Variants in UGGT1 observed in about 807,000 individuals in gnomAD.
UGGT1 encodes the protein UDP-glucose:glycoprotein glucosyltransferase 1.
Under a neutral mutation model 203.9 loss-of-function variants are expected in UGGT1, and 107 were observed. That is an observed-to-expected ratio of 0.52 (90% confidence interval 0.45 to 0.62). The LOEUF (loss-of-function observed/expected upper bound fraction) is 0.62, where lower values mean the gene tolerates loss of function less well. Ranked by LOEUF, UGGT1 falls within the 20% of genes least tolerant of loss-of-function variation. UGGT1 has a pLI of 0.00. For missense variants in UGGT1, 1,673 were observed against 1,867.2 expected, an observed-to-expected ratio of 0.90 and a Z score of 1.92; for synonymous variants, 628 against 653.5, an observed-to-expected ratio of 0.96 and a Z score of 0.59.
chr2:128,176,962 T>A, intron 32 of UGGT1, 64 bp downstream of exon 32: 1 of 1,489,884 alleles, frequency 6.7e-7, no homozygotes, highest in Non-Finnish European at 9.3e-7. Context: ...ATATGTATCT[T>A]GGAACCAGCC....
At chr2:128,171,081 G>A (rs190759088) in intron 27 of UGGT1, 124 bp from the exon 28 acceptor site, 13 of 847,704 alleles carry the variant, frequency 1.5e-5, no homozygotes, top group South Asian at 3.7e-5. Context: ...CAGAAGTTTC[G>A]CCAGTGCAGA....
chr2:128,165,948 G>C (rs982342817), intron 26 of UGGT1, among the ~76,000 whole-genome samples: 4 of 152,054 alleles, frequency 2.6e-5, no homozygotes, highest in Non-Finnish European at 4.4e-5. Flanking sequence ...TTTTTATAGA[G>C]ATGGGGTCTC....
chr2:128,164,309 A>G (rs903882675), intron 25 of UGGT1, among the ~76,000 whole-genome samples: 16 of 152,238 alleles, frequency 1.1e-4, no homozygotes, highest in African/African-American at 3.9e-4. Context: ...ATGAGCCAAA[A>G]TATCAGACCT....
At chr2:128,160,339 T>C in intron 23 of UGGT1, 121 bp from the exon 24 acceptor site, 1 of 1,045,814 alleles carries the variant, frequency 9.6e-7, no homozygotes, top group South Asian at 1.9e-5. Context: ...TAATGTTAAT[T>C]ATGAAAATTA....
chr2:128,099,367 C>CTCCTGA (rs1404025874), intron 2 of UGGT1, among the ~76,000 whole-genome samples: 2 of 152,266 alleles, frequency 1.3e-5, no homozygotes, highest in Admixed American at 6.5e-5. Flanking sequence ...TGGTCTGGAA[C>CTCCTGA]TCCTGAGCTC....
At chr2:128,170,536 A>G in intron 27 of UGGT1, 146 bp downstream of exon 27, 1 of 650,742 alleles carries the variant, frequency 1.5e-6, no homozygotes, top group Non-Finnish European at 2.6e-6. Flanking sequence ...CAATCTTTAC[A>G]AAGATTGACA....
In UGGT1 at chr2:128,173,853, A is replaced by G. The variant is rs1691237747; in HGVS notation, c.3367A>G (p.Thr1123Ala). Residue 1123 changes from threonine (T) to alanine (A), a missense_variant, in exon 30 of 41, where the codon ACA becomes GCA. Transcript: ENST00000259253. Reference protein sequence around the residue: ...LLEGHCYDITTGQPPRGLQFT... With the variant: ...LLEGHCYDITAGQPPRGLQFT... Reference sequence around the variant, plus strand: ...GGAAGGTCATTGCTACGACATCACCACAGGCCAGCCTCCACGGGGACTACA... The same window carrying G: ...GGAAGGTCATTGCTACGACATCACCGCAGGCCAGCCTCCACGGGGACTACA... 6.2e-7 allele frequency: 1 copy of G among 1,614,200 alleles called. No individual in the cohort carries two copies. The highest frequency in any genetic ancestry group is 1.1e-5 in the South Asian group (1 of 91,088).
Position 128,189,824 on chromosome 2 carries a change from A to G in UGGT1, c.*82A>G. 6.6e-7 allele frequency: 1 copy of G among 1,509,444 alleles called. No individual in the cohort carries two copies. Among genetic ancestry groups the G allele is most frequent in the Non-Finnish European group, 9.1e-7 (1 of 1,099,188 alleles). 93.5% of individuals were successfully genotyped at this position (1,509,444 alleles called of 1,614,324 possible). A position where few individuals can be genotyped will look rare whatever the true frequency, so the allele number is the denominator to read the frequency against. ...CTAGTTTTTTCTGATCTGTCTATAC[A>G]ACTGCTGATAAGCCGGCTGGGCAGG... is the stretch of plus-strand genomic sequence containing the variant. On this transcript the variant is annotated 3_prime_UTR_variant, in exon 41 of 41. Transcript: ENST00000259253.
Position 128,152,790 on chromosome 2 carries a change from C to G in UGGT1, c.2023C>G (p.Leu675Val), listed in dbSNP as rs779744417. 3 of 1,605,022 alleles carry G rather than the reference C, an allele frequency of 1.9e-6. No homozygotes were observed. Among genetic ancestry groups the G allele is most frequent in the Non-Finnish European group, 2.5e-6 (3 of 1,176,880 alleles). ...FFQRAVYLGE[L>V]PHDQDVVEYI... The stretch of plus-strand genomic sequence containing the variant: ...TCCTTTTTTTTTCTTGCAGGGTGAA[C>G]TGCCCCATGATCAAGATGTGGTAGA... Residue 675 changes from leucine to valine, a missense_variant, in exon 19 of 41, where the codon CTG (leucine) becomes GTG (valine). Physicochemically the swap from Leu to Val is conservative, Grantham distance 32. This residue lies in a region of UGGT1 where 1,073 missense variants were observed against 1,078.7 expected (regional missense o/e 0.99). Coordinates refer to ENST00000259253, the MANE Select transcript of UGGT1 (RefSeq NM_020120.4).
chr2:128,166,668 T>C (rs747212637), intron 26 of UGGT1, among the ~76,000 whole-genome samples: 7 of 152,240 alleles, frequency 4.6e-5, no homozygotes, highest in Non-Finnish European at 1.0e-4. Flanking sequence ...AGGACAGTTG[T>C]CTTATGGAAT....
Position 128,190,733 on chromosome 2 carries a change from A to AT in UGGT1, c.*996dup, listed in dbSNP as rs1692220132. 1 of 152,074 alleles carries AT rather than the reference A, an allele frequency of 6.6e-6. No individual in the cohort carries two copies. The highest frequency in any genetic ancestry group is 1.5e-5 in the Non-Finnish European group (1 of 68,050). The allele number at this position is 152,074 out of a possible 1,614,324, so 9.4% of individuals were successfully genotyped here. On this transcript the variant is annotated 3_prime_UTR_variant, in exon 41 of 41. Coordinates refer to ENST00000259253, the MANE Select transcript of UGGT1 (RefSeq NM_020120.4). The stretch of plus-strand genomic sequence containing the variant: ...CATTGTCTGCCCTCTTTTGCGTAGG[A>AT]TTTTTCTCTCAGACCCAGGGGACAT...
At chr2:128,117,989 T>A (rs947982022) in intron 8 of UGGT1, among the ~76,000 whole-genome samples, 1,371 of 86,216 alleles carry the variant, frequency 0.016, 12 homozygotes, top group Non-Finnish European at 0.02. Context: ...TGTGTGTGTG[T>A]GTGTGAGAGA....
At chr2:128,186,365 G>A (rs887873271) in intron 38 of UGGT1, among the ~76,000 whole-genome samples, 1 of 152,162 alleles carries the variant, frequency 6.6e-6, no homozygotes, top group African/African-American at 2.4e-5. Context: ...TCAGCACTTT[G>A]TGAGGCTAAG....
rs955872455 is a variant in UGGT1, at chr2:128,091,244, G to A, written c.-114G>A. On this transcript the variant is annotated 5_prime_UTR_variant, in exon 1 of 41. Coordinates refer to ENST00000259253, the MANE Select transcript of UGGT1 (RefSeq NM_020120.4). Reference sequence around the variant, plus strand: ...GAGGCTGGGTGTTGAGTCGAGCCGCGGGAAAGGCGCGTGTCGGCCTCTCAC... The same window carrying A: ...GAGGCTGGGTGTTGAGTCGAGCCGCAGGAAAGGCGCGTGTCGGCCTCTCAC... The A allele has an allele frequency of 6.7e-6, 8 of 1,200,132 alleles. No homozygotes were observed. Among genetic ancestry groups the A allele is most frequent in the African/African-American group, 4.8e-5 (3 of 62,362 alleles). The allele number at this position is 1,200,132 out of a possible 1,614,324, so 74.3% of individuals were successfully genotyped here.
chr2:128,155,672 GAA>G (rs1690192822), intron 20 of UGGT1, 85 bp downstream of exon 20: 1 of 1,028,574 alleles, frequency 9.7e-7, no homozygotes, highest in Non-Finnish European at 1.4e-6. Context: ...AATTAAGAGA[GAA>G]AAGGGAAAGA....
chr2:128,148,017 A>G (rs1273809611), intron 18 of UGGT1, among the ~76,000 whole-genome samples: 1 of 152,074 alleles, frequency 6.6e-6, no homozygotes, highest in African/African-American at 2.4e-5. Context: ...TTGTTGTTGT[A>G]ACTGTTATTT....
intron 16 of UGGT1, among the ~76,000 whole-genome samples, chr2:128,142,232 G>T (rs1689465375): frequency 6.6e-6 from 1 of 151,782 alleles, no homozygotes; most frequent in Non-Finnish European, 1.5e-5. Context: ...CACCATGCCT[G>T]CCTGGCCTAT....
At chr2:128,096,430 T>G (rs1687120226) in intron 1 of UGGT1, among the ~76,000 whole-genome samples, 1 of 152,208 alleles carries the variant, frequency 6.6e-6, no homozygotes, top group Admixed American at 6.5e-5. Flanking sequence ...CGCTGAAATC[T>G]TTGGAGGAAG....
rs200866575 is a variant in UGGT1, at chr2:128,179,801, C to T, written c.3831C>T (p.Ser1277=). The T allele has an allele frequency of 4.6e-5, 74 of 1,612,866 alleles. 1 individual carries two copies. The highest frequency in any genetic ancestry group is 4.1e-4 in the South Asian group (37 of 90,722). The change falls in exon 35 of 41, where the codon TCC becomes TCT. Residue 1277 remains serine (S), a synonymous_variant. Coordinates refer to ENST00000259253, the MANE Select transcript of UGGT1 (RefSeq NM_020120.4). ...TGTTTGGCAGCATAATGATGCTATC[C>T]GTGCTGAAGAATACCAAGACTCCTG... The part of the protein sequence containing the change: ...YERFLRIMML[S]VLKNTKTPVK...
Sources: gnomAD v4.1 joint callset for allele counts (sites outside exome capture counted in the v4.1 genomes callset) on GRCh38, gnomAD v4.1.1 for gene constraint, gnomAD v4.1.1 regional missense constraint, MANE v1.5 for transcripts, NCBI Gene and HGNC (gene_info 2026-07-23, HGNC 2026-07-21) for gene names.